ARHGEF12: variants seen among roughly 807,000 people sequenced by gnomAD.
The protein encoded by ARHGEF12 is Rho guanine nucleotide exchange factor 12.
In ARHGEF12, 66 loss-of-function variants were observed where a neutral mutation model predicts 211.2. The observed-to-expected ratio is 0.31, with a 90% CI of 0.26 to 0.38. ARHGEF12 has a LOEUF of 0.38. ARHGEF12 is among the 10% of genes least tolerant of loss of function. The probability of loss-of-function intolerance (pLI) is 1.00; values close to 1 mark genes in which losing one functional copy is unlikely to be tolerated. For synonymous variants in ARHGEF12, 592 were observed against 638.4 expected, an observed-to-expected ratio of 0.93 and a Z score of 1.09; for missense variants, 1,429 against 1,869.5, an observed-to-expected ratio of 0.76 and a Z score of 4.34.
At chr11:120,420,969 T>C (rs897734017) in intron 5 of ARHGEF12, 118 bp downstream of exon 5, 161 of 833,184 alleles carry the variant, frequency 1.9e-4, no homozygotes, top group Admixed American at 2.8e-4. Context: ...ATGTGGACTA[T>C]TGTGCTAGAT....
At chr11:120,420,203 C>T (rs1040562347) in intron 4 of ARHGEF12, among the ~76,000 whole-genome samples, 2 of 152,158 alleles carry the variant, frequency 1.3e-5, no homozygotes, top group Non-Finnish European at 2.9e-5. Flanking sequence ...CTCTTCCTTT[C>T]TCTTCCCTTC....
rs1947427997 is a variant in ARHGEF12, at chr11:120,487,514, T to C, written c.*2437T>C. On this transcript the variant is annotated 3_prime_UTR_variant, in exon 41 of 41. Transcript: ENST00000397843. ...TTTTGGCCATTATAGTCACATCCGT[T>C]TGACTTTGGTTGTGACATCTTCCTT... 1.4e-5 allele frequency: 3 copies of C among 214,054 alleles called. No individual in the cohort carries two copies. Among genetic ancestry groups the C allele is most frequent in the Non-Finnish European group, 2.8e-5 (3 of 105,976 alleles). 13.3% of individuals were successfully genotyped at this position (214,054 alleles called of 1,614,324 possible). A position where few individuals can be genotyped will look rare whatever the true frequency, so the allele number is the denominator to read the frequency against.
chr11:120,393,114 G>A (rs1368828891), intron 1 of ARHGEF12, among the ~76,000 whole-genome samples: 2 of 152,200 alleles, frequency 1.3e-5, no homozygotes, highest in Admixed American at 6.5e-5. Flanking sequence ...GTATTGAATT[G>A]TCAGGCGTAT....
Position 120,476,146 on chromosome 11 carries a change from C to G in ARHGEF12, c.3278-515C>G, listed in dbSNP as rs76008981. On this transcript the variant is annotated intron_variant, in intron 33 of 40. Transcript: ENST00000397843. ...AGTGCAGTGGTACAACCTTGGCACA[C>G]TGCAACCTCCACATCCCAGGCTCAA... The G allele has an allele frequency of 8.4e-3, 1,292 of 153,404 alleles. 85 individuals carry two copies. The South Asian group carries it at 0.16, about 19-fold the overall frequency. The allele number at this position is 153,404 out of a possible 1,614,324, so 9.5% of individuals were successfully genotyped here. A position where few individuals can be genotyped will look rare whatever the true frequency, so the allele number is the denominator to read the frequency against.
intron 21 of ARHGEF12, chr11:120,450,006 A>G (rs1946156976): frequency 1.3e-5 from 2 of 152,208 alleles, no homozygotes; most frequent in African/African-American, 4.8e-5. Flanking sequence ...AGATGGCTGC[A>G]GGAGAAATAG....
In ARHGEF12 at chr11:120,436,103, G is replaced by T. The variant is rs1039049179; in HGVS notation, c.925-1205G>T. On this transcript the variant is annotated intron_variant, in intron 11 of 40. Transcript: ENST00000397843. ...ACTCCAAAGGTGACAAGTGGGAAGG[G>T]TATATGTGTGTAATATTTTGAACTC... Among the ~76,000 whole-genome samples the T allele has an allele frequency of 9.2e-5, 14 of 152,148 alleles. No homozygotes were observed. The East Asian group carries it at 2.7e-3, about 29-fold the overall frequency.
intron 1 of ARHGEF12, among the ~76,000 whole-genome samples, chr11:120,358,934 G>C (rs554961703): frequency 1.3e-5 from 2 of 152,164 alleles, no homozygotes; most frequent in East Asian, 1.9e-4. Flanking sequence ...GCACCTGGTG[G>C]GTCCATTTCC....
rs536110126 is a variant in ARHGEF12, at chr11:120,441,853, T to C, written c.1203+36T>C. The C allele has an allele frequency of 1.0e-5, 16 of 1,572,160 alleles. No individual in the cohort carries two copies. The African/African-American group carries it at 1.2e-4, about 12-fold the overall frequency. ...TTACAATCTAGCAGATTCAGAGTTC[T>C]TCTGTTGATTCATGTGCCATAGAAC... On this transcript the variant is annotated intron_variant, in intron 14 of 40. Transcript: ENST00000397843.
In ARHGEF12 at chr11:120,487,444, C is replaced by T. The variant is rs1387437367; in HGVS notation, c.*2367C>T. 3 of 217,120 alleles carry T rather than the reference C, an allele frequency of 1.4e-5. No individual in the cohort carries two copies. The highest frequency in any genetic ancestry group is 1.9e-5 in the Non-Finnish European group (2 of 107,992). The allele number at this position is 217,120 out of a possible 1,614,324, so 13.4% of individuals were successfully genotyped here. The stretch of plus-strand genomic sequence containing the variant: ...TGTTCTTTTTATCTTACCGACCTAA[C>T]TTCTCTTTTCCCTCCCAACTTGGCC... On this transcript the variant is annotated 3_prime_UTR_variant, in exon 41 of 41. Coordinates refer to ENST00000397843, the MANE Select transcript of ARHGEF12 (RefSeq NM_015313.3).
chr11:120,407,891 TA>T, intron 3 of ARHGEF12, 68 bp downstream of exon 3: 1 of 1,271,464 alleles, frequency 7.9e-7, no homozygotes, highest in Non-Finnish European at 1.1e-6. Flanking sequence ...GAGCTTAAGC[TA>T]CCCGAAACAC....
intron 1 of ARHGEF12, among the ~76,000 whole-genome samples, chr11:120,402,071 G>C (rs1944560690): frequency 6.6e-6 from 1 of 152,124 alleles, no homozygotes; most frequent in Admixed American, 6.5e-5. Flanking sequence ...TTATGTTTTA[G>C]AGGAGATGCT....
chr11:120,448,055 ATTCTACTG>A, intron 19 of ARHGEF12, 149 bp downstream of exon 19: 1 of 779,080 alleles, frequency 1.3e-6, no homozygotes, highest in Non-Finnish European at 2.0e-6. Flanking sequence ...TTTGACTAAT[ATTCTACTG>A]TTGTCCTGAG....
At chr11:120,387,128 T>A (rs1407963221) in intron 1 of ARHGEF12, among the ~76,000 whole-genome samples, 1 of 152,052 alleles carries the variant, frequency 6.6e-6, no homozygotes, top group Non-Finnish European at 1.5e-5. Flanking sequence ...CTATTCAGTG[T>A]AAGAGATTTT....
chr11:120,463,891 A>T (rs1316378044), intron 27 of ARHGEF12: 1 of 152,224 alleles, frequency 6.6e-6, no homozygotes, highest in Non-Finnish European at 1.5e-5. Context: ...CGTAAACCAT[A>T]AAGCAATTAT....
chr11:120,437,489 GA>G (rs1029920079), intron 12 of ARHGEF12, 107 bp downstream of exon 12: 51 of 709,820 alleles, frequency 7.2e-5, no homozygotes, highest in Middle Eastern at 6.1e-4. Flanking sequence ...TTATTTTTTG[GA>G]AAAAAAATTA....
intron 1 of ARHGEF12, among the ~76,000 whole-genome samples, chr11:120,355,398 T>C (rs962836807): frequency 6.6e-6 from 1 of 152,222 alleles, no homozygotes; most frequent in Non-Finnish European, 1.5e-5. Context: ...AGCCTCATTC[T>C]AGGTACTTTA....
intron 38 of ARHGEF12, among the ~76,000 whole-genome samples, chr11:120,480,661 C>T (rs1947206505): frequency 1.3e-5 from 2 of 152,102 alleles, no homozygotes; most frequent in African/African-American, 2.4e-5. Context: ...CCCATCTTCT[C>T]ATGAAGCTAG....
intron 26 of ARHGEF12, among the ~76,000 whole-genome samples, 172 bp downstream of exon 26, chr11:120,459,492 A>G (rs944501934): frequency 5.9e-5 from 9 of 152,234 alleles, no homozygotes; most frequent in African/African-American, 9.6e-5. Context: ...CTCACAATCA[A>G]TCTTTCATGT....
At chr11:120,341,645 C>G (rs1374889865) in intron 1 of ARHGEF12, among the ~76,000 whole-genome samples, 2 of 152,138 alleles carry the variant, frequency 1.3e-5, no homozygotes, top group Non-Finnish European at 2.9e-5. Context: ...TGAAGGGACT[C>G]TTTTGCATCA....
Sources: allele counts gnomAD v4.1 joint callset (sites outside exome capture counted in the v4.1 genomes callset), GRCh38; gene constraint gnomAD v4.1.1; transcripts MANE v1.5; gene names NCBI Gene and HGNC (gene_info 2026-07-23, HGNC 2026-07-21).